WDR70: variants seen among roughly 807,000 people sequenced by gnomAD.
The protein encoded by WDR70 is WD repeat-containing protein 70.
Under a neutral mutation model 88.6 loss-of-function variants are expected in WDR70, and 53 were observed. That is an observed-to-expected ratio of 0.60 (90% confidence interval 0.48 to 0.75). The LOEUF (loss-of-function observed/expected upper bound fraction) is 0.75. WDR70 is among the 30% of genes least tolerant of loss of function. The pLI is 0.00. For missense variants in WDR70, 610 were observed against 823.2 expected, an observed-to-expected ratio of 0.74 and a Z score of 3.17; for synonymous variants, 280 against 270.0, an observed-to-expected ratio of 1.04 and a Z score of -0.36.
intron 10 of WDR70, among the ~76,000 whole-genome samples, chr5:37,680,156 A>G (rs1581490919): frequency 7.6e-6 from 1 of 130,898 alleles, no homozygotes; most frequent in Non-Finnish European, 1.7e-5. Flanking sequence ...AGTGATGTTG[A>G]GCTTTTTTTT....
intron 10 of WDR70, among the ~76,000 whole-genome samples, chr5:37,633,384 A>T (rs1042546488): frequency 6.6e-6 from 1 of 152,074 alleles, no homozygotes; most frequent in East Asian, 1.9e-4. Flanking sequence ...TATGTATTAT[A>T]TATTTTATTA....
At chr5:37,589,658 GC>G (rs1158277161) in intron 9 of WDR70, among the ~76,000 whole-genome samples, 8 of 152,030 alleles carry the variant, frequency 5.3e-5, no homozygotes, top group Non-Finnish European at 8.8e-5. Context: ...TCAGGTCACT[GC>G]AGCCTCTGCC....
intron 9 of WDR70, among the ~76,000 whole-genome samples, chr5:37,562,653 A>C (rs1742550217): frequency 6.6e-6 from 1 of 152,144 alleles, no homozygotes; most frequent in Admixed American, 6.5e-5. Flanking sequence ...ATGACTCTTA[A>C]CGAGCATGCT....
rs538972157 is a variant in WDR70 at position 37,633,085 on chromosome 5, A to G, written c.1092+27847A>G. Among the ~76,000 whole-genome samples, 4 of 152,310 alleles carry G rather than the reference A, an allele frequency of 2.6e-5. No individual in the cohort carries two copies. In the East Asian group the frequency reaches 5.8e-4, roughly 22 times the overall value. On this transcript the variant is annotated intron_variant, in intron 10 of 17. Coordinates refer to ENST00000265107, the MANE Select transcript of WDR70 (RefSeq NM_018034.4). ...CTAGGAGCAATAGGCTATTCCATGT[A>G]AGTCTTACCATCTATGTTTGTATAA...
intron 9 of WDR70, among the ~76,000 whole-genome samples, chr5:37,595,447 A>G (rs557466582): frequency 8.2e-4 from 125 of 152,330 alleles, no homozygotes; most frequent in Admixed American, 1.6e-3. Context: ...TAAAAGATCT[A>G]TATAAATGAG....
At position 37,605,387 on chromosome 5, in the gene WDR70, T is replaced by C; in HGVS notation, c.1092+149T>C. On this transcript the variant is annotated intron_variant, in intron 10 of 17. Transcript: ENST00000265107. ...AACTTCAGTGTTAGGTGATCAAACG[T>C]TGAGACTTTTGTAGTATACAGCATT... is the stretch of plus-strand genomic sequence containing the variant. 5.7e-6 allele frequency: 4 copies of C among 698,706 alleles called. No homozygotes were observed. In the South Asian group the frequency reaches 1.8e-4, roughly 31 times the overall value. 43.3% of individuals were successfully genotyped at this position (698,706 alleles called of 1,614,324 possible).
At chr5:37,690,184 C>A (rs1053708363) in intron 10 of WDR70, among the ~76,000 whole-genome samples, 1 of 152,086 alleles carries the variant, frequency 6.6e-6, no homozygotes, top group Non-Finnish European at 1.5e-5. Context: ...AAGAAATGAA[C>A]AAATCCTCCA....
chr5:37,398,270 A>T (rs544371469), intron 5 of WDR70, among the ~76,000 whole-genome samples: 1 of 151,866 alleles, frequency 6.6e-6, no homozygotes, highest in Non-Finnish European at 1.5e-5. Flanking sequence ...TCGTATTTTT[A>T]GTAGAGATGA....
intron 9 of WDR70, among the ~76,000 whole-genome samples, chr5:37,590,543 G>A (rs1286880070): frequency 1.3e-5 from 2 of 152,106 alleles, no homozygotes; most frequent in African/African-American, 4.8e-5. Context: ...AAATTTAATT[G>A]TTAGGGATCT....
In WDR70 at chr5:37,573,364, C is replaced by A. The variant is rs552938637; in HGVS notation, c.918-31700C>A. 1.6e-4 allele frequency among the ~76,000 whole-genome samples: 24 copies of A among 152,252 alleles called. No individual in the cohort carries two copies. The South Asian group carries it at 4.8e-3, about 30-fold the overall frequency. On this transcript the variant is annotated intron_variant, in intron 9 of 17. Coordinates refer to ENST00000265107, the MANE Select transcript of WDR70 (RefSeq NM_018034.4). ...AAAGGCCCCTGTTCACCCGAATTCT[C>A]CCTCAGTTACTGCCTCTTTTTTTTT... is the stretch of plus-strand genomic sequence containing the variant.
intron 9 of WDR70, among the ~76,000 whole-genome samples, chr5:37,603,705 A>G (rs914811188): frequency 2.0e-5 from 3 of 152,196 alleles, no homozygotes; most frequent in African/African-American, 7.2e-5. Context: ...TTGAATTTAT[A>G]TCTGCCATAT....
At chr5:37,630,064 C>T (rs1744770555) in intron 10 of WDR70, among the ~76,000 whole-genome samples, 1 of 152,174 alleles carries the variant, frequency 6.6e-6, no homozygotes, top group African/African-American at 2.4e-5. Flanking sequence ...GAGAGTTTCT[C>T]AGTGGCCTAG....
At chr5:37,751,335 GA>G (rs1375928089) in intron 17 of WDR70, among the ~76,000 whole-genome samples, 1 of 152,200 alleles carries the variant, frequency 6.6e-6, no homozygotes, top group African/African-American at 2.4e-5. Flanking sequence ...GTCTTAAAGT[GA>G]CAACAAGAAG....
At chr5:37,530,518 T>G (rs1039570624) in intron 9 of WDR70, among the ~76,000 whole-genome samples, 5 of 152,126 alleles carry the variant, frequency 3.3e-5, no homozygotes, top group Non-Finnish European at 5.9e-5. Context: ...TTTATCTTTC[T>G]GCTTTAATCT....
chr5:37,636,149 T>A (rs1386840372), intron 10 of WDR70, among the ~76,000 whole-genome samples: 8 of 152,216 alleles, frequency 5.3e-5, no homozygotes, highest in Admixed American at 1.3e-4. Flanking sequence ...TGGGATAATT[T>A]GTTTAACAAA....
chr5:37,395,874 C>T lies in WDR70; in HGVS notation c.297-501C>T, dbSNP rs528719764. Among the ~76,000 whole-genome samples the T allele has an allele frequency of 5.3e-5, 8 of 152,290 alleles. 1 individual carries two copies. The South Asian group carries it at 1.4e-3, about 28-fold the overall frequency. On this transcript the variant is annotated intron_variant, in intron 4 of 17. Coordinates refer to ENST00000265107, the MANE Select transcript of WDR70 (RefSeq NM_018034.4). ...GGAGTAGAGTGACGCAGTCATGGCT[C>T]ACTGTAGCCTTGACCTCCTGGACTC...
At chr5:37,562,559 T>C (rs1369035299) in intron 9 of WDR70, among the ~76,000 whole-genome samples, 2 of 152,136 alleles carry the variant, frequency 1.3e-5, no homozygotes, top group Admixed American at 1.3e-4. Flanking sequence ...CAAAGGTCTC[T>C]GGTTTTCCTA....
In WDR70 at chr5:37,427,378, G is replaced by T. The variant is rs532378496; in HGVS notation, c.493-10544G>T. Among the ~76,000 whole-genome samples, 27 of 133,968 alleles carry T rather than the reference G, an allele frequency of 2.0e-4. No homozygotes were observed. The South Asian group carries it at 7.3e-3, about 36-fold the overall frequency. 87.9% of individuals were successfully genotyped at this position (133,968 alleles called of 152,430 possible). A position where few individuals can be genotyped will look rare whatever the true frequency, so the allele number is the denominator to read the frequency against. The stretch of plus-strand genomic sequence containing the variant: ...CAGTCCGGCCTGGGCGAAAGAGCGA[G>T]ACTCCATCTCAAAAATAAAAAATAA... On this transcript the variant is annotated intron_variant, in intron 5 of 17. Coordinates refer to ENST00000265107, the MANE Select transcript of WDR70 (RefSeq NM_018034.4).
At chr5:37,543,514 AAGAG>A (rs138919832) in intron 9 of WDR70, among the ~76,000 whole-genome samples, 2,328 of 151,472 alleles carry the variant, frequency 0.015, 53 homozygotes, top group African/African-American at 0.053. Flanking sequence ...TATGGAGAGA[AAGAG>A]AGAGAGAGAG....
Sources: allele counts gnomAD v4.1 joint callset (sites outside exome capture counted in the v4.1 genomes callset), GRCh38; gene constraint gnomAD v4.1.1; transcripts MANE v1.5; gene names NCBI Gene and HGNC (gene_info 2026-07-23, HGNC 2026-07-21).